Variants in RASGRF2 observed in about 807,000 individuals in gnomAD.
The protein encoded by RASGRF2 is Ras protein specific guanine nucleotide releasing factor 2, also known as ras-specific guanine nucleotide-releasing factor 2.
Under a neutral mutation model 151.0 loss-of-function variants are expected in RASGRF2, and 76 were observed. The observed-to-expected ratio is 0.50, with a 90% CI of 0.42 to 0.61. RASGRF2 has a LOEUF of 0.61. Ranked by LOEUF, RASGRF2 falls within the 20% of genes least tolerant of loss-of-function variation. RASGRF2 has a pLI of 0.00. For synonymous variants in RASGRF2, 504 were observed against 566.5 expected, an observed-to-expected ratio of 0.89 and a Z score of 1.57; for missense variants, 1,148 against 1,564.6, an observed-to-expected ratio of 0.73 and a Z score of 4.49.
chr5:81,044,482 T>C (rs1423023246), intron 2 of RASGRF2, among the ~76,000 whole-genome samples: 1 of 152,136 alleles, frequency 6.6e-6, no homozygotes, highest in East Asian at 1.9e-4. Flanking sequence ...TTTGAACCCT[T>C]GACGCTTTCT....
At chr5:81,028,432 G>A (rs1750116148) in intron 1 of RASGRF2, among the ~76,000 whole-genome samples, 1 of 151,674 alleles carries the variant, frequency 6.6e-6, no homozygotes, top group South Asian at 2.1e-4. Flanking sequence ...TAGAATCTCA[G>A]TTTTCAGGCT....
intron 1 of RASGRF2, among the ~76,000 whole-genome samples, chr5:80,994,365 C>CAAAA (rs11411890): frequency 1.7e-5 from 2 of 115,344 alleles, no homozygotes; most frequent in African/African-American, 3.4e-5. Flanking sequence ...CACTCTGTCT[C>CAAAA]AAAAAAAAAA....
intron 2 of RASGRF2, among the ~76,000 whole-genome samples, chr5:81,057,674 T>G (rs76397723): frequency 0.019 from 2,956 of 152,258 alleles, 39 homozygotes; most frequent in African/African-American, 0.025. Flanking sequence ...TAAACATTTA[T>G]TATTTCTTTG....
At chr5:81,032,497 C>CCCA (rs1750299562) in intron 1 of RASGRF2, among the ~76,000 whole-genome samples, 2 of 152,170 alleles carry the variant, frequency 1.3e-5, no homozygotes, top group Admixed American at 6.5e-5. Context: ...TCAATATATG[C>CCCA]AAATCAATAA....
At chr5:80,987,226 G>T (rs753920854) in intron 1 of RASGRF2, among the ~76,000 whole-genome samples, 5 of 152,112 alleles carry the variant, frequency 3.3e-5, no homozygotes, top group Non-Finnish European at 5.9e-5. Context: ...AATTCCCATT[G>T]TTCAGCTACA....
intron 1 of RASGRF2, among the ~76,000 whole-genome samples, chr5:81,036,451 C>G (rs1408309557): frequency 1.3e-5 from 2 of 151,982 alleles, no homozygotes; most frequent in Admixed American, 1.3e-4. Flanking sequence ...TACTGCATAG[C>G]CATATAATAT....
intron 2 of RASGRF2, among the ~76,000 whole-genome samples, chr5:81,055,845 T>C (rs1751188044): frequency 6.6e-6 from 1 of 152,236 alleles, no homozygotes; most frequent in Non-Finnish European, 1.5e-5. Flanking sequence ...CACTTCTTCC[T>C]GGTTTAGTCT....
In RASGRF2 at chr5:81,080,201, G is replaced by T; in HGVS notation, c.967+1G>T. ...GCAAACTGGCCCACTTTAATTTTAG[G>T]TAAGTGCATTCTTTAAAGGTGTAAG... On this transcript the variant is annotated splice_donor_variant, in intron 6 of 26. Coordinates refer to ENST00000265080, the MANE Select transcript of RASGRF2 (RefSeq NM_006909.3). LOFTEE classifies it high-confidence loss of function. The T allele has an allele frequency of 6.3e-7, 1 of 1,595,372 alleles. No homozygotes were observed. The highest frequency in any genetic ancestry group is 8.5e-7 in the Non-Finnish European group (1 of 1,175,966).
chr5:80,979,208 T>A (rs968555951), intron 1 of RASGRF2, among the ~76,000 whole-genome samples: 6 of 152,188 alleles, frequency 3.9e-5, no homozygotes, highest in African/African-American at 7.2e-5. Context: ...AACACTCTAC[T>A]TGCATTTCAA....
intron 15 of RASGRF2, among the ~76,000 whole-genome samples, chr5:81,116,547 ATCTT>A (rs1226648763): frequency 3.3e-5 from 5 of 151,860 alleles, no homozygotes; most frequent in Non-Finnish European, 7.3e-5. Flanking sequence ...CTCCTAGAGA[ATCTT>A]TCTTCTCCTC....
chr5:81,081,370 G>C (rs1752081041), intron 7 of RASGRF2, among the ~76,000 whole-genome samples: 2 of 152,332 alleles, frequency 1.3e-5, no homozygotes, highest in South Asian at 4.1e-4. Flanking sequence ...TTGGCAACTA[G>C]TCAGGTGGCC....
Position 81,099,341 on chromosome 5 carries a change from A to C in RASGRF2, c.1755+4349A>C, listed in dbSNP as rs189660477. Among the ~76,000 whole-genome samples, 53 of 152,328 alleles carry C rather than the reference A, an allele frequency of 3.5e-4. 2 individuals carry two copies. Among genetic ancestry groups the C allele is most frequent in the African/African-American group, 1.3e-3 (52 of 41,582 alleles). ...CATTATATTAAATATATTCAGCTGCATCAATTTACTGCTTTTATAGCTTTT... is the reference window on the plus strand; with the variant it reads ...CATTATATTAAATATATTCAGCTGCCTCAATTTACTGCTTTTATAGCTTTT... On this transcript the variant is annotated intron_variant, in intron 12 of 26. Transcript: ENST00000265080.
At chr5:81,120,345 G>A (rs1353155444) in intron 15 of RASGRF2, among the ~76,000 whole-genome samples, 1 of 152,146 alleles carries the variant, frequency 6.6e-6, no homozygotes, top group Non-Finnish European at 1.5e-5. Flanking sequence ...GGGAGGCCGA[G>A]GTGGAAGGAT....
intron 1 of RASGRF2, among the ~76,000 whole-genome samples, chr5:80,990,546 C>T (rs1159014560): frequency 6.6e-6 from 1 of 152,134 alleles, no homozygotes; most frequent in Non-Finnish European, 1.5e-5. Flanking sequence ...CTCTAGCTGG[C>T]TTCTGTTAGG....
chr5:80,975,961 C>T (rs1037222525), intron 1 of RASGRF2, among the ~76,000 whole-genome samples: 3 of 151,626 alleles, frequency 2.0e-5, no homozygotes, highest in Non-Finnish European at 2.9e-5. Flanking sequence ...TCTCCTGCCT[C>T]AGCTTTCTGA....
chr5:81,099,538 A>G (rs1008506643), intron 12 of RASGRF2, among the ~76,000 whole-genome samples: 1 of 152,306 alleles, frequency 6.6e-6, no homozygotes, highest in East Asian at 1.9e-4. Context: ...TCCTTATTTC[A>G]TGATTCCTAG....
At chr5:81,093,600 A>G (rs1752454117) in intron 10 of RASGRF2, among the ~76,000 whole-genome samples, 1 of 152,064 alleles carries the variant, frequency 6.6e-6, no homozygotes, top group Admixed American at 6.6e-5. Context: ...TTTTTAGTAG[A>G]GACAATGTCT....
chr5:81,207,035 A>T (rs1755523716), intron 20 of RASGRF2, 130 bp downstream of exon 20: 1 of 870,400 alleles, frequency 1.1e-6, no homozygotes, highest in Admixed American at 2.1e-5. Flanking sequence ...AAGCTCTGTG[A>T]GATGAACCAC....
intron 15 of RASGRF2, among the ~76,000 whole-genome samples, chr5:81,117,183 T>C (rs1008330784): frequency 2.0e-5 from 3 of 152,218 alleles, no homozygotes; most frequent in Non-Finnish European, 4.4e-5. Flanking sequence ...ATAGTTTTTT[T>C]CCCTGGAACA....
Sources: gnomAD v4.1 joint callset for allele counts (sites outside exome capture counted in the v4.1 genomes callset) on GRCh38, gnomAD v4.1.1 for gene constraint, MANE v1.5 for transcripts, NCBI Gene and HGNC (gene_info 2026-07-23, HGNC 2026-07-21) for gene names.